The following PRDM4 variants were observed in gnomAD, a reference collection of about 807,000 sequenced individuals.
PRDM4 encodes the protein PR domain zinc finger protein 4.
In PRDM4, 38 loss-of-function variants were observed where a neutral mutation model predicts 62.3. The ratio of observed to expected loss-of-function variants is 0.61; its 90% CI spans 0.47 to 0.80. PRDM4 has a LOEUF of 0.80. Ranked by LOEUF, PRDM4 falls within the 30% of genes least tolerant of loss-of-function variation. PRDM4 has a pLI of 0.00. For missense variants in PRDM4, 858 were observed against 997.1 expected (o/e 0.86, Z 1.88); for synonymous variants, 339 against 348.2 (o/e 0.97, Z 0.30).
intron 5 of PRDM4, among the ~76,000 whole-genome samples, chr12:107,747,525 T>A (rs1047846555): frequency 1.2e-4 from 18 of 152,160 alleles, no homozygotes; most frequent in African/African-American, 4.3e-4. Flanking sequence ...TTGCTTAAAA[T>A]TCTTAATTTC....
At chr12:107,747,229 T>C (rs1277117902) in intron 5 of PRDM4, among the ~76,000 whole-genome samples, 3 of 152,148 alleles carry the variant, frequency 2.0e-5, no homozygotes, top group African/African-American at 7.2e-5. Flanking sequence ...TATGATGCCC[T>C]AAAGTCCAAA....
chr12:107,751,598 CAG>C lies in PRDM4; in HGVS notation c.941_942del (p.Ser314CysfsTer5). The part of the protein sequence containing the change: ...STSHNLASLE[S>X]VSLHEVGLSL... The stretch of plus-strand genomic sequence containing the variant: ...CTGAGGCCAACTTCATGGAGGGAAA[CAG>C]ATTCTAGGGAGGCAAGGTTGTGTGA... On this transcript the variant is annotated frameshift_variant, in exon 5 of 12. Transcript: ENST00000228437. LOFTEE classifies it high-confidence loss of function. 2 of 1,613,812 alleles carry C rather than the reference CAG, an allele frequency of 1.2e-6. No individual in the cohort carries two copies. Among genetic ancestry groups the C allele is most frequent in the Non-Finnish European group, 8.5e-7 (1 of 1,179,736 alleles).
At chr12:107,752,990 A>C (rs1169921834) in intron 4 of PRDM4, among the ~76,000 whole-genome samples, 1 of 152,230 alleles carries the variant, frequency 6.6e-6, no homozygotes, top group African/African-American at 2.4e-5. Context: ...GATAATTATG[A>C]AAACCACGTA....
At position 107,743,189 on chromosome 12, in the gene PRDM4, A is replaced by G; in HGVS notation, c.1481+8T>C. 1 of 1,591,854 alleles carries G rather than the reference A, an allele frequency of 6.3e-7. No homozygotes were observed. Among genetic ancestry groups the G allele is most frequent in the Non-Finnish European group, 8.6e-7 (1 of 1,159,840 alleles). ...TAACTATTTTTTCTCATCCAAGACT[A>G]CTCATACCTGGCTTTGCGCACAAAC... On this transcript the variant is annotated splice_region_variant and intron_variant, in intron 8 of 11. Coordinates refer to ENST00000228437, the MANE Select transcript of PRDM4 (RefSeq NM_012406.4).
chr12:107,739,965 T>C (rs1289023199), intron 10 of PRDM4, among the ~76,000 whole-genome samples: 1 of 151,598 alleles, frequency 6.6e-6, no homozygotes, highest in Non-Finnish European at 1.5e-5. Flanking sequence ...TTAAAACATA[T>C]AATATTGCCT....
In PRDM4 at chr12:107,751,304, G is replaced by A. The variant is rs191435900; in HGVS notation, c.1126+111C>T. On this transcript the variant is annotated intron_variant, in intron 5 of 11. Transcript: ENST00000228437. Reference sequence around the variant, plus strand: ...ATACCAAGGCAAAGAAAAGTTCCAAGGTCTAGTTGCTTTCTATACTCCCTT... The same window carrying A: ...ATACCAAGGCAAAGAAAAGTTCCAAAGTCTAGTTGCTTTCTATACTCCCTT... 24 of 1,117,412 alleles carry A rather than the reference G, an allele frequency of 2.1e-5. No individual in the cohort carries two copies. In the African/African-American group the frequency reaches 3.6e-4, roughly 17 times the overall value. 69.2% of individuals were successfully genotyped at this position (1,117,412 alleles called of 1,614,324 possible).
chr12:107,740,922 T>C, intron 10 of PRDM4, 24 bp downstream of exon 10: 1 of 1,595,394 alleles, frequency 6.3e-7, no homozygotes, highest in Non-Finnish European at 8.6e-7. Context: ...AAAAATTCCA[T>C]TCTGATGGGC....
chr12:107,760,522 G>A lies in PRDM4; in HGVS notation c.-7C>T. On this transcript the variant is annotated 5_prime_UTR_variant, in exon 2 of 12. It introduces an in-frame stop codon into an upstream open reading frame of the 5' UTR. Transcript: ENST00000228437. ...CTACTCACCTGTGATGCATCGGCTT[G>A]GGGCCAAATATCAGAGAAAGGAGCG... is the stretch of plus-strand genomic sequence containing the variant. 1.2e-6 allele frequency: 2 copies of A among 1,611,432 alleles called. No individual in the cohort carries two copies. The highest frequency in any genetic ancestry group is 1.7e-6 in the Non-Finnish European group (2 of 1,179,096).
chr12:107,757,338 CTTA>C (rs1336805064), intron 2 of PRDM4, among the ~76,000 whole-genome samples: 1 of 152,062 alleles, frequency 6.6e-6, no homozygotes, highest in Non-Finnish European at 1.5e-5. Context: ...CTCCAAATGG[CTTA>C]TTATTTCAAA....
rs748250598 is a variant in PRDM4 at position 107,751,952 on chromosome 12, C to T, written c.589G>A (p.Val197Ile). ...ALDTAITMEN[V>I]SRVTSPISTD... ...GAAATTGGGCTGGTAACCCTAGAAACGTTCTCCATAGTGATTGCTGTGTCC... is the reference window on the plus strand; with the variant it reads ...GAAATTGGGCTGGTAACCCTAGAAATGTTCTCCATAGTGATTGCTGTGTCC... Residue 197 changes from valine (V) to isoleucine (I), a missense_variant, in exon 5 of 12, where the codon GTT becomes ATT. This residue lies in a region of PRDM4 where 499 missense variants were observed against 546.7 expected (regional missense o/e 0.91). Transcript: ENST00000228437. 21 of 1,614,092 alleles carry T rather than the reference C, an allele frequency of 1.3e-5. No homozygotes were observed. The Admixed American group carries it at 3.2e-4, about 24-fold the overall frequency.
rs1291131720 is a variant in PRDM4, at chr12:107,751,501, G to A, written c.1040C>T (p.Ser347Leu). 6.2e-7 allele frequency: 1 copy of A among 1,613,748 alleles called. No homozygotes were observed. Among genetic ancestry groups the A allele is most frequent in the South Asian group, 1.1e-5 (1 of 91,072 alleles). Reference sequence around the variant, plus strand: ...AGGTGATACAAAAGAAAGACTGTCTGAAGATACATCTACATGACCTGTCCC... The same window carrying A: ...AGGTGATACAAAAGAAAGACTGTCTAAAGATACATCTACATGACCTGTCCC... The part of the protein sequence containing the change: ...AMGTGHVDVS[S>L]DSLSFVSPSL... The change falls in exon 5 of 12, where the codon TCA becomes TTA. Residue 347 changes from serine (S) to leucine (L), a missense_variant. By Grantham distance (145) the Ser-to-Leu change is moderately radical (BLOSUM62 -2). Coordinates refer to ENST00000228437, the MANE Select transcript of PRDM4 (RefSeq NM_012406.4).
intron 3 of PRDM4, 107 bp from the exon 4 acceptor site, chr12:107,754,216 A>G: frequency 1.2e-6 from 1 of 807,994 alleles, no homozygotes; most frequent in Non-Finnish European, 1.9e-6. Context: ...ATGGGCAAAA[A>G]TCTCACCTAC....
At chr12:107,756,735 T>A in intron 3 of PRDM4, 97 bp downstream of exon 3, 1 of 1,434,128 alleles carries the variant, frequency 7.0e-7, no homozygotes, top group South Asian at 1.3e-5. Context: ...CCCTTCTACC[T>A]TCTACCCTTA....
intron 5 of PRDM4, 97 bp downstream of exon 5, chr12:107,751,318 C>CTA (rs1890885120): frequency 1.6e-6 from 2 of 1,274,858 alleles, no homozygotes; most frequent in African/African-American, 1.5e-5. Flanking sequence ...TAGTTGCTTT[C>CTA]TATACTCCCT....
At chr12:107,750,289 T>C (rs1334420697) in intron 5 of PRDM4, among the ~76,000 whole-genome samples, 6 of 152,154 alleles carry the variant, frequency 3.9e-5, no homozygotes, top group Middle Eastern at 3.2e-3. Context: ...CTCACACCTG[T>C]AATCCTAGCA....
intron 3 of PRDM4, among the ~76,000 whole-genome samples, chr12:107,754,444 G>A (rs1891000784): frequency 6.6e-6 from 1 of 152,140 alleles, no homozygotes; most frequent in African/African-American, 2.4e-5. Context: ...GTGCAGTGGT[G>A]TGATCTCAGC....
At chr12:107,759,818 C>T (rs1340952124) in intron 2 of PRDM4, 1 of 152,238 alleles carries the variant, frequency 6.6e-6, no homozygotes, top group Non-Finnish European at 1.5e-5. Flanking sequence ...AGATACTAAG[C>T]TCTATCTTCC....
intron 5 of PRDM4, among the ~76,000 whole-genome samples, chr12:107,750,114 C>T (rs546270651): frequency 2.6e-5 from 4 of 152,294 alleles, no homozygotes; most frequent in Non-Finnish European, 2.9e-5. Flanking sequence ...TTCACCCCAT[C>T]GTCACACTTA....
At chr12:107,746,916 T>A (rs1890726498) in intron 5 of PRDM4, among the ~76,000 whole-genome samples, 1 of 152,214 alleles carries the variant, frequency 6.6e-6, no homozygotes, top group South Asian at 2.1e-4. Flanking sequence ...CTCTTCAGAC[T>A]TCAGTAAGAT....
Sources: gnomAD v4.1 joint callset for allele counts (sites outside exome capture counted in the v4.1 genomes callset) on GRCh38, gnomAD v4.1.1 for gene constraint, gnomAD v4.1.1 regional missense constraint, MANE v1.5 for transcripts, NCBI Gene and HGNC (gene_info 2026-07-23, HGNC 2026-07-21) for gene names.